The following TRIM58 variants were observed in gnomAD, a reference collection of about 807,000 sequenced individuals.
The protein encoded by TRIM58 is tripartite motif containing 58.
Under a neutral mutation model 34.1 loss-of-function variants are expected in TRIM58, and 38 were observed. The observed-to-expected ratio is 1.12, with a 90% CI of 0.86 to 1.46. The LOEUF (loss-of-function observed/expected upper bound fraction) is 1.46. Ranked by LOEUF, TRIM58 falls within the 40% of genes most tolerant of loss-of-function variation. The pLI is 0.00. For synonymous variants in TRIM58, 273 were observed against 275.7 expected, an observed-to-expected ratio of 0.99 and a Z score of 0.10; for missense variants, 677 against 642.0, an observed-to-expected ratio of 1.05 and a Z score of -0.59.
chr1:247,878,372 C>T lies in TRIM58; in HGVS notation c.*1883C>T, dbSNP rs1196700745. Among the ~76,000 whole-genome samples the T allele has an allele frequency of 6.6e-6, 1 of 152,040 alleles. No homozygotes were observed. Among genetic ancestry groups the T allele is most frequent in the African/African-American group, 2.4e-5 (1 of 41,402 alleles). Reference sequence around the variant, plus strand: ...TTTTTCTCTTCCAGGGAGATTTTTTCGACTGACATCTTTAACTTACCTTCC... The same window carrying T: ...TTTTTCTCTTCCAGGGAGATTTTTTTGACTGACATCTTTAACTTACCTTCC... On this transcript the variant is annotated 3_prime_UTR_variant, in exon 6 of 6. Transcript: ENST00000366481.
At chr1:247,873,734 G>C (rs1659201935) in intron 5 of TRIM58, among the ~76,000 whole-genome samples, 1 of 152,196 alleles carries the variant, frequency 6.6e-6, no homozygotes, top group South Asian at 2.1e-4. Flanking sequence ...TTGGGAGGCT[G>C]AGGCGGATGG....
rs1181931397 is a variant in TRIM58, at chr1:247,864,932, G to A, written c.744G>A (p.Leu248=). 6 of 1,569,718 alleles carry A rather than the reference G, an allele frequency of 3.8e-6. No individual in the cohort carries two copies. The highest frequency in any genetic ancestry group is 1.3e-5 in the African/African-American group (1 of 74,274). The change falls in exon 3 of 6, where the codon CTG becomes CTA. Residue 248 remains leucine, a synonymous_variant. Coordinates refer to ENST00000366481, the MANE Select transcript of TRIM58 (RefSeq NM_015431.4). The part of the protein sequence containing the change: ...ERCQRPALGL[L]EGVRGVLSRS... ...GCCAGCGCCCGGCCCTGGGTCTGCT[G>A]GAGGTGAGGCCGGGTGCCAGAAAAG...
Position 247,878,173 on chromosome 1 carries a change from AAATAAAT to A in TRIM58, c.*1687_*1693del, listed in dbSNP as rs2103339157. On this transcript the variant is annotated 3_prime_UTR_variant, in exon 6 of 6. Transcript: ENST00000366481. The stretch of plus-strand genomic sequence containing the variant: ...GCAAGACTCCATCTCAAAAATAAAT[AAATAAAT>A]AAATAAATAAATAAATAAATAAATA... 1 of 125,150 alleles carries A rather than the reference AAATAAAT, an allele frequency of 8.0e-6. No individual in the cohort carries two copies. Among genetic ancestry groups the A allele is most frequent in the Non-Finnish European group, 1.5e-5 (1 of 66,586 alleles). 7.8% of individuals were successfully genotyped at this position (125,150 alleles called of 1,614,324 possible).
At chr1:247,867,709 A>T (rs1663963275) in intron 3 of TRIM58, 136 bp from the exon 4 acceptor site, 1 of 1,003,070 alleles carries the variant, frequency 1.0e-6, no homozygotes, top group East Asian at 2.4e-5. Flanking sequence ...AATAGAAAAG[A>T]GATTTATTGT....
Position 247,876,443 on chromosome 1 carries a change from G to A in TRIM58, c.1415G>A (p.Arg472Lys). 6.2e-7 allele frequency: 1 copy of A among 1,614,110 alleles called. No homozygotes were observed. The highest frequency in any genetic ancestry group is 8.5e-7 in the Non-Finnish European group (1 of 1,180,004). ...TIAGSGNWAS[R>K]DHLDPASDVR... ...GCAGGGTCAGGAAATTGGGCATCCA[G>A]GGATCATTTAGATCCTGCTTCTGAT... Residue 472 changes from arginine to lysine, a missense_variant, in exon 6 of 6, where the codon AGG becomes AAG. Arg to Lys is a conservative substitution (Grantham distance 26). Transcript: ENST00000366481.
chr1:247,859,361 C>T (rs1416734101), intron 1 of TRIM58, among the ~76,000 whole-genome samples: 1 of 152,088 alleles, frequency 6.6e-6, no homozygotes, highest in Admixed American at 6.6e-5. Flanking sequence ...TGCCACTTTC[C>T]CCACTGAGTC....
chr1:247,857,674 GC>G lies in TRIM58; in HGVS notation c.420+14del. 5.7e-6 allele frequency: 7 copies of G among 1,224,822 alleles called. No individual in the cohort carries two copies. The highest frequency in any genetic ancestry group is 3.6e-5 in the South Asian group (1 of 27,540). 75.9% of individuals were successfully genotyped at this position (1,224,822 alleles called of 1,614,324 possible). A position where few individuals can be genotyped will look rare whatever the true frequency, so the allele number is the denominator to read the frequency against. ...GCCGCCGGCAGCTACCAGGTGAGGCGCCCCCCGGCGGGGGCTGCGGGCGCTG... is the reference window on the plus strand; with the variant it reads ...GCCGCCGGCAGCTACCAGGTGAGGCGCCCCCGGCGGGGGCTGCGGGCGCTG... On this transcript the variant is annotated intron_variant, in intron 1 of 5. Coordinates refer to ENST00000366481, the MANE Select transcript of TRIM58 (RefSeq NM_015431.4).
At chr1:247,865,758 C>T (rs980797271) in intron 3 of TRIM58, among the ~76,000 whole-genome samples, 3 of 152,182 alleles carry the variant, frequency 2.0e-5, no homozygotes, top group Non-Finnish European at 4.4e-5. Flanking sequence ...TCCATGTTTT[C>T]TTGGTAGAAC....
intron 3 of TRIM58, among the ~76,000 whole-genome samples, chr1:247,865,885 C>T (rs898415389): frequency 6.6e-5 from 10 of 152,152 alleles, no homozygotes; most frequent in African/African-American, 2.4e-4. Context: ...CGGATTCCAC[C>T]TTTTCTGACT....
At chr1:247,870,054 TC>T (rs1659066616) in intron 5 of TRIM58, among the ~76,000 whole-genome samples, 1 of 152,178 alleles carries the variant, frequency 6.6e-6, no homozygotes, top group African/African-American at 2.4e-5. Flanking sequence ...CTAAAGTCTG[TC>T]CAGGTGTATT....
At chr1:247,871,898 T>C (rs1659135650) in intron 5 of TRIM58, among the ~76,000 whole-genome samples, 1 of 152,240 alleles carries the variant, frequency 6.6e-6, no homozygotes, top group Admixed American at 6.5e-5. Context: ...TGAGAAGTTC[T>C]AGTTTTGAAT....
chr1:247,860,786 A>G (rs1198505060), intron 2 of TRIM58, 74 bp downstream of exon 2: 2 of 1,163,488 alleles, frequency 1.7e-6, no homozygotes, highest in Non-Finnish European at 2.6e-6. Context: ...TTCTTCTACC[A>G]TCTTCCATTC....
rs1281761843 is a variant in TRIM58 at position 247,863,351 on chromosome 1, A to G, written c.517-1354A>G. 2.6e-5 allele frequency among the ~76,000 whole-genome samples: 4 copies of G among 152,122 alleles called. No homozygotes were observed. In the East Asian group the frequency reaches 5.8e-4, roughly 22 times the overall value. On this transcript the variant is annotated intron_variant, in intron 2 of 5. Coordinates refer to ENST00000366481, the MANE Select transcript of TRIM58 (RefSeq NM_015431.4). ...TCAGGAGTTTGAGACCAGCCTGACC[A>G]ATACGGTGAAACCCTGTCTCTACTA...
In TRIM58 at chr1:247,878,336, A is replaced by G. The variant is rs932432559; in HGVS notation, c.*1847A>G. 14 of 152,210 alleles carry G rather than the reference A, an allele frequency of 9.2e-5. No individual in the cohort carries two copies. The highest frequency in any genetic ancestry group is 1.8e-4 in the Non-Finnish European group (12 of 68,036). The allele number at this position is 152,210 out of a possible 1,614,324, so 9.4% of individuals were successfully genotyped here. On this transcript the variant is annotated 3_prime_UTR_variant, in exon 6 of 6. Transcript: ENST00000366481. ...GGTTTAATTTTCCTCCTCAATTTGAAGTTCAAGATGTTTTTCTCTTCCAGG... is the reference window on the plus strand; with the variant it reads ...GGTTTAATTTTCCTCCTCAATTTGAGGTTCAAGATGTTTTTCTCTTCCAGG...
At chr1:247,861,134 CT>C (rs959284608) in intron 2 of TRIM58, among the ~76,000 whole-genome samples, 4 of 151,972 alleles carry the variant, frequency 2.6e-5, no homozygotes, top group East Asian at 1.9e-4. Context: ...AACGTTTAGC[CT>C]TTTTTTTCTA....
chr1:247,867,147 G>C (rs1278010474), intron 3 of TRIM58, among the ~76,000 whole-genome samples: 2 of 152,022 alleles, frequency 1.3e-5, no homozygotes, highest in African/African-American at 2.4e-5. Flanking sequence ...CTGGTACGTT[G>C]GTTCAGAGAA....
chr1:247,861,773 T>C (rs1663799169), intron 2 of TRIM58, among the ~76,000 whole-genome samples: 1 of 152,130 alleles, frequency 6.6e-6, no homozygotes, highest in Admixed American at 6.6e-5. Context: ...ACTACATTAC[T>C]AGATTACAAT....
At chr1:247,874,102 T>G (rs1338910539) in intron 5 of TRIM58, among the ~76,000 whole-genome samples, 2 of 152,220 alleles carry the variant, frequency 1.3e-5, no homozygotes, top group African/African-American at 4.8e-5. Flanking sequence ...AACATGTTAG[T>G]CTGATTTTGC....
Position 247,876,400 on chromosome 1 carries a change from T to A in TRIM58, c.1372T>A (p.Leu458Met), listed in dbSNP as rs1659288052. The A allele has an allele frequency of 6.2e-7, 1 of 1,614,154 alleles. No homozygotes were observed. The highest frequency in any genetic ancestry group is 8.5e-7 in the Non-Finnish European group (1 of 1,180,024). ...CATCTGTGATGCAACTCCTCTTATCTTGCCACCCACAACAATAGCAGGGTC... is the reference window on the plus strand; with the variant it reads ...CATCTGTGATGCAACTCCTCTTATCATGCCACCCACAACAATAGCAGGGTC... ...FFICDATPLI[L>M]PPTTIAGSGN... Residue 458 changes from leucine to methionine, a missense_variant, in exon 6 of 6, where the codon TTG (leucine) becomes ATG (methionine). Transcript: ENST00000366481.
Sources: allele counts gnomAD v4.1 joint callset (sites outside exome capture counted in the v4.1 genomes callset), GRCh38; gene constraint gnomAD v4.1.1; transcripts MANE v1.5; gene names NCBI Gene and HGNC (gene_info 2026-07-23, HGNC 2026-07-21).